FHIT: variants seen among roughly 807,000 people sequenced by gnomAD.
FHIT encodes fragile histidine triad diadenosine triphosphatase, also known as bis(5'-adenosyl)-triphosphatase.
A neutral mutation model predicts 17.9 loss-of-function variants in FHIT; 19 were observed. That is an observed-to-expected ratio of 1.06 (90% CI 0.74 to 1.56). FHIT has a LOEUF of 1.56. Among genes scored for constraint, FHIT ranks in the 40% most tolerant of loss-of-function variants. The probability of loss-of-function intolerance (pLI) is 0.00; values close to 1 mark genes in which losing one functional copy is unlikely to be tolerated. For missense variants in FHIT, 248 were observed against 189.2 expected (o/e 1.31, Z -1.82); for synonymous variants, 81 against 69.7 (o/e 1.16, Z -0.81).
chr3:60,124,049 G>GACAGAGACAGAGAGAC (rs1553691029), intron 5 of FHIT, among the ~76,000 whole-genome samples: 1 of 109,474 alleles, frequency 9.1e-6, no homozygotes, highest in African/African-American at 4.4e-5. Context: ...GAGAGAGAGA[G>GACAGAGACAGAGAGAC]AGAGAGACAG....
intron 8 of FHIT, among the ~76,000 whole-genome samples, chr3:59,882,108 G>A (rs1363298878): frequency 1.3e-5 from 2 of 151,952 alleles, no homozygotes; most frequent in Admixed American, 6.6e-5. Flanking sequence ...AATTAGCATT[G>A]CATACTTTCA....
intron 4 of FHIT, among the ~76,000 whole-genome samples, chr3:60,623,076 G>C (rs1268576623): frequency 1.3e-5 from 2 of 152,164 alleles, no homozygotes; most frequent in Non-Finnish European, 2.9e-5. Flanking sequence ...ATTTTTGCCT[G>C]TCTTGTTCAA....
intron 1 of FHIT, among the ~76,000 whole-genome samples, chr3:61,225,317 C>G (rs2039942275): frequency 6.6e-6 from 1 of 152,102 alleles, no homozygotes; most frequent in Non-Finnish European, 1.5e-5. Context: ...AAAGTAGCGG[C>G]CTCATAGAGA....
At chr3:60,391,161 C>A (rs1235407054) in intron 5 of FHIT, among the ~76,000 whole-genome samples, 2 of 151,668 alleles carry the variant, frequency 1.3e-5, no homozygotes, top group Non-Finnish European at 2.9e-5. Context: ...GCACTCCAGC[C>A]TGGGCGACAG....
rs149649021 is a variant in FHIT at position 61,015,486 on chromosome 3, T to G, written c.-111+26561A>C. Among the ~76,000 whole-genome samples, 1,484 of 152,304 alleles carry G rather than the reference T, an allele frequency of 9.7e-3. 15 individuals are homozygous for G. Among genetic ancestry groups the G allele is most frequent in the Non-Finnish European group, 0.015 (1,048 of 68,024 alleles). On this transcript the variant is annotated intron_variant, in intron 3 of 9. Transcript: ENST00000492590. ...TTACGCTTGATCTCTTTTTATCTAA[T>G]TAATTACATCTCAGGAACCAAGAAG...
At chr3:61,014,808 A>AAAAAAAAAAAAAAAAAAAAAT (rs1156410696) in intron 3 of FHIT, among the ~76,000 whole-genome samples, 1 of 26,982 alleles carries the variant, frequency 3.7e-5, no homozygotes, top group African/African-American at 8.3e-5. Context: ...AAAAAAAAAA[A>AAAAAAAAAAAAAAAAAAAAAT]TATATATATA....
At chr3:60,892,446 G>A (rs1321143437) in intron 3 of FHIT, among the ~76,000 whole-genome samples, 1 of 152,060 alleles carries the variant, frequency 6.6e-6, no homozygotes, top group Non-Finnish European at 1.5e-5. Context: ...CACCCTTGGA[G>A]CTTTACCTCT....
At chr3:59,828,898 TAAGC>T (rs1315757935) in intron 8 of FHIT, among the ~76,000 whole-genome samples, 2 of 149,782 alleles carry the variant, frequency 1.3e-5, no homozygotes, top group African/African-American at 2.5e-5. Flanking sequence ...CCTTAGTTAA[TAAGC>T]AAGACAAATT....
At chr3:60,479,166 C>T (rs1283158941) in intron 5 of FHIT, among the ~76,000 whole-genome samples, 3 of 152,132 alleles carry the variant, frequency 2.0e-5, no homozygotes, top group African/African-American at 7.2e-5. Context: ...TATTGATTCT[C>T]AAAGGAAGAA....
chr3:60,792,106 C>A (rs377125150), intron 4 of FHIT, among the ~76,000 whole-genome samples: 1 of 152,190 alleles, frequency 6.6e-6, no homozygotes, highest in Non-Finnish European at 1.5e-5. Context: ...GATGCCCTGA[C>A]GGCAGCAGAA....
At chr3:60,526,735 G>A (rs1416076788) in intron 5 of FHIT, among the ~76,000 whole-genome samples, 1 of 152,054 alleles carries the variant, frequency 6.6e-6, no homozygotes, top group Admixed American at 6.5e-5. Flanking sequence ...CTCTCCAAAA[G>A]CAATTGTACC....
chr3:60,712,655 C>T (rs1289033335), intron 4 of FHIT, among the ~76,000 whole-genome samples: 1 of 151,796 alleles, frequency 6.6e-6, no homozygotes, highest in Non-Finnish European at 1.5e-5. Flanking sequence ...GACTTTAAAC[C>T]AACAAAGATC....
intron 5 of FHIT, among the ~76,000 whole-genome samples, chr3:60,227,579 C>T (rs532553075): frequency 3.3e-5 from 5 of 152,258 alleles, no homozygotes; most frequent in African/African-American, 7.2e-5. Flanking sequence ...AGGAAGAACA[C>T]GGCTGAAATG....
chr3:61,097,653 G>A (rs2035684583), intron 2 of FHIT, among the ~76,000 whole-genome samples: 1 of 152,116 alleles, frequency 6.6e-6, no homozygotes, highest in African/African-American at 2.4e-5. Context: ...TTTGACTGGT[G>A]TGAGACTGTA....
At chr3:59,769,668 C>G (rs1050162733) in intron 8 of FHIT, among the ~76,000 whole-genome samples, 4 of 151,892 alleles carry the variant, frequency 2.6e-5, no homozygotes, top group African/African-American at 9.7e-5. Flanking sequence ...CACGGAACGG[C>G]AGACTTTGCT....
At chr3:59,763,738 G>A (rs979695430) in intron 8 of FHIT, among the ~76,000 whole-genome samples, 2 of 76,956 alleles carry the variant, frequency 2.6e-5, no homozygotes, top group African/African-American at 7.8e-5. Context: ...AGTCAGCTGA[G>A]GAGTGGCAAG....
intron 8 of FHIT, among the ~76,000 whole-genome samples, chr3:59,866,352 T>C (rs1702649761): frequency 6.6e-6 from 1 of 151,982 alleles, no homozygotes; most frequent in Non-Finnish European, 1.5e-5. Context: ...TAACTGCTAT[T>C]GGGTGAATAA....
At chr3:60,659,372 T>C (rs1553690492) in intron 4 of FHIT, among the ~76,000 whole-genome samples, 1 of 152,078 alleles carries the variant, frequency 6.6e-6, no homozygotes, top group African/African-American at 2.4e-5. Flanking sequence ...CTCTCTATTC[T>C]TTCTCTCTCT....
intron 3 of FHIT, among the ~76,000 whole-genome samples, chr3:60,886,022 A>G (rs954423837): frequency 1.4e-4 from 22 of 152,218 alleles, no homozygotes; most frequent in Non-Finnish European, 2.9e-5. Context: ...ATTGCTTGGC[A>G]CATATTAAAT....
Sources: allele counts gnomAD v4.1 joint callset (sites outside exome capture counted in the v4.1 genomes callset), GRCh38; gene constraint gnomAD v4.1.1; transcripts MANE v1.5; gene names NCBI Gene and HGNC (gene_info 2026-07-23, HGNC 2026-07-21).